The following TSBP1 variants were observed in gnomAD, a reference collection of about 807,000 sequenced individuals.
TSBP1 encodes testis expressed basic protein 1, also known as testis-expressed basic protein 1.
TSBP1 carries 56 observed loss-of-function variants against 68.8 expected under a neutral mutation model. The observed-to-expected ratio is 0.81, with a 90% confidence interval of 0.66 to 1.02. The LOEUF (loss-of-function observed/expected upper bound fraction) is 1.02. Ranked by LOEUF, TSBP1 falls within the 50% of genes least tolerant of loss-of-function variation. TSBP1 has a pLI of 0.00. For synonymous variants in TSBP1, 171 were observed against 208.7 expected (o/e 0.82, Z 1.56); for missense variants, 502 against 641.2 (o/e 0.78, Z 2.34).
In TSBP1 at chr6:32,365,599, C is replaced by T. The variant is rs1485592463; in HGVS notation, c.217+568G>A. ...TGGAGTGAGAAATAAGTGGGCTTAT[C>T]GGACAGCATCCTGAATGGCTGGGGG... On this transcript the variant is annotated intron_variant, in intron 6 of 22. Transcript: ENST00000612031. This position sits in a 1 kb window ranked among gnomAD's most constrained non-coding sequence, Gnocchi z 4.3. 6.6e-6 allele frequency: 3 copies of T among 456,464 alleles called. No individual in the cohort carries two copies. Among genetic ancestry groups the T allele is most frequent in the Non-Finnish European group, 1.3e-5 (3 of 226,808 alleles). The allele number at this position is 456,464 out of a possible 1,614,324, so 28.3% of individuals were successfully genotyped here.
Position 32,357,855 on chromosome 6 carries a change from A to G in TSBP1, c.218-2186T>C, listed in dbSNP as rs1772517931. Reference sequence around the variant, plus strand: ...ACATGCTAAGAGTGAGATGCCTTTCATATATCTTCAGGACACGTGTGCTAT... The same window carrying G: ...ACATGCTAAGAGTGAGATGCCTTTCGTATATCTTCAGGACACGTGTGCTAT... On this transcript the variant is annotated intron_variant, in intron 6 of 22. Coordinates refer to ENST00000612031, the Ensembl canonical transcript of TSBP1. The surrounding 1 kb of genome is among the most constrained non-coding windows in gnomAD (Gnocchi z 4.7). Among the ~76,000 whole-genome samples the G allele has an allele frequency of 6.6e-6, 1 of 152,198 alleles. No homozygotes were observed. Among genetic ancestry groups the G allele is most frequent in the Non-Finnish European group, 1.5e-5 (1 of 68,030 alleles).
At chr6:32,339,703 A>G in intron 9 of TSBP1, 65 bp from the exon 11 acceptor site, 1 of 716,782 alleles carries the variant, frequency 1.4e-6, no homozygotes, top group Non-Finnish European at 2.4e-6. Context: ...ATGGAGATAG[A>G]CAATCCCATT....
chr6:32,335,794 G>A lies in TSBP1; in HGVS notation c.451+118C>T, dbSNP rs1439307032. 2 of 812,704 alleles carry A rather than the reference G, an allele frequency of 2.5e-6. No homozygotes were observed. The highest frequency in any genetic ancestry group is 4.1e-6 in the Non-Finnish European group (2 of 489,162). 50.3% of individuals were successfully genotyped at this position (812,704 alleles called of 1,614,324 possible). On this transcript the variant is annotated intron_variant, in intron 13 of 22. Transcript: ENST00000612031. The surrounding 1 kb of genome is among the most constrained non-coding windows in gnomAD (Gnocchi z 5.5). ...AATGCTAGGTTGAAGAAAAATAAGG[G>A]TTGAAGAAAATGTGAACTCCAAACC...
At chr6:32,341,705 T>G (rs925878444) in intron 9 of TSBP1, among the ~76,000 whole-genome samples, 4 of 152,192 alleles carry the variant, frequency 2.6e-5, no homozygotes, top group Non-Finnish European at 5.9e-5. Context: ...TTCGTTACTT[T>G]AAGGATAGGT....
chr6:32,355,653 A>G (rs373735657), exon 7 of TSBP1: 3 of 1,590,138 alleles, frequency 1.9e-6, no homozygotes, highest in Non-Finnish European at 2.6e-6. Flanking sequence ...ACTTACTGTA[A>G]TCTCTTTTGG....
chr6:32,325,482 GC>G lies in TSBP1; in HGVS notation c.515-1869del. ...TGGAAGAGCTGTGGAACCAAAGAGA[GC>G]TGTCTCAAGAGAAGATTCTCAAATA... On this transcript the variant is annotated intron_variant, in intron 16 of 22. Transcript: ENST00000612031. The surrounding 1 kb of genome is among the most constrained non-coding windows in gnomAD (Gnocchi z 4.4). The G allele has an allele frequency of 1.1e-6, 1 of 898,072 alleles. No homozygotes were observed. The highest frequency in any genetic ancestry group is 1.8e-6 in the Non-Finnish European group (1 of 543,024). The allele number at this position is 898,072 out of a possible 1,614,324, so 55.6% of individuals were successfully genotyped here.
chr6:32,359,490 GTTGT>G (rs1181789180), intron 6 of TSBP1, among the ~76,000 whole-genome samples: 13 of 152,216 alleles, frequency 8.5e-5, no homozygotes, highest in South Asian at 4.1e-4. Flanking sequence ...TGTTGATGGG[GTTGT>G]TTGTTTTTTT....
Position 32,355,648 on chromosome 6 carries a change from C to A in TSBP1, c.238+1G>T. On this transcript the variant is annotated splice_donor_variant, in intron 7 of 22. Coordinates refer to ENST00000612031, the Ensembl canonical transcript of TSBP1. LOFTEE classifies it high-confidence loss of function. ...TTGTTAAGAAGCAAGATAATACTTA[C>A]TGTAATCTCTTTTGGATCTCTCTGA... The A allele has an allele frequency of 6.3e-7, 1 of 1,590,028 alleles. No homozygotes were observed. The highest frequency in any genetic ancestry group is 8.5e-7 in the Non-Finnish European group (1 of 1,170,614).
intron 18 of TSBP1, among the ~76,000 whole-genome samples, chr6:32,317,933 G>A (rs1354893734): frequency 1.3e-5 from 2 of 152,138 alleles, no homozygotes; most frequent in Admixed American, 6.5e-5. Context: ...GCTACCATTC[G>A]ACCCAGCAAT....
chr6:32,350,605 A>G (rs1771610105), intron 8 of TSBP1, among the ~76,000 whole-genome samples: 1 of 152,226 alleles, frequency 6.6e-6, no homozygotes, highest in African/African-American at 2.4e-5. Flanking sequence ...AATCAAGGCC[A>G]TAGGCCTCAT....
rs1474915429 is a variant in TSBP1, at chr6:32,323,110, T to C, written c.559+7A>G. 2 of 1,573,226 alleles carry C rather than the reference T, an allele frequency of 1.3e-6. No individual in the cohort carries two copies. The highest frequency in any genetic ancestry group is 2.3e-5 in the South Asian group (2 of 88,832). On this transcript the variant is annotated splice_region_variant and intron_variant, in intron 18 of 22. Transcript: ENST00000612031. ...AACCAAAGAAGAAAAAGAGATGTTA[T>C]ACTTACTTATGGGTGCCATGGGTGG...
intron 18 of TSBP1, chr6:32,320,131 T>A (rs1249495822): frequency 4.4e-6 from 2 of 455,688 alleles, no homozygotes; most frequent in Non-Finnish European, 8.8e-6. Context: ...CCTTGGGGGC[T>A]ATCTTTCATG....
intron 22 of TSBP1, among the ~76,000 whole-genome samples, chr6:32,298,566 C>T (rs1269833): frequency 0.028 from 4,297 of 151,466 alleles, 170 homozygotes; most frequent in African/African-American, 0.086. Context: ...GCGACAAGAA[C>T]GAAACTTTGT....
chr6:32,336,682 T>C lies in TSBP1; in HGVS notation c.410-47A>G, dbSNP rs953899563. ...AGTGTGGTTTGACATTAATAGAATTTTCATTTTACCAGTATTGTTTCTAAA... is the reference window on the plus strand; with the variant it reads ...AGTGTGGTTTGACATTAATAGAATTCTCATTTTACCAGTATTGTTTCTAAA... On this transcript the variant is annotated intron_variant, in intron 11 of 22. Coordinates refer to ENST00000612031, the Ensembl canonical transcript of TSBP1. The surrounding 1 kb of genome is among the most constrained non-coding windows in gnomAD (Gnocchi z 5.2). 6.4e-7 allele frequency: 1 copy of C among 1,570,812 alleles called. No individual in the cohort carries two copies. The highest frequency in any genetic ancestry group is 8.8e-7 in the Non-Finnish European group (1 of 1,142,194).
rs988679878 is a variant in TSBP1 at position 32,302,704 on chromosome 6, T to G, written c.581-75A>C. 1.8e-5 allele frequency: 19 copies of G among 1,066,034 alleles called. No individual in the cohort carries two copies. The East Asian group carries it at 4.3e-4, about 24-fold the overall frequency. The allele number at this position is 1,066,034 out of a possible 1,614,324, so 66.0% of individuals were successfully genotyped here. On this transcript the variant is annotated intron_variant, in intron 19 of 22. Transcript: ENST00000612031. The surrounding 1 kb of genome is among the most constrained non-coding windows in gnomAD (Gnocchi z 5.1). Reference sequence around the variant, plus strand: ...AAGTACAGTTCTTTCCTACTCCCAATTCCCTAGTTGTTTTTTCTAGGGTAC... The same window carrying G: ...AAGTACAGTTCTTTCCTACTCCCAAGTCCCTAGTTGTTTTTTCTAGGGTAC...
intron 7 of TSBP1, 49 bp from the exon 8 acceptor site, chr6:32,355,193 C>T (rs773837128): frequency 1.3e-6 from 2 of 1,593,830 alleles, no homozygotes; most frequent in Non-Finnish European, 8.6e-7. Flanking sequence ...GAGTTTGGAT[C>T]CCTAATCTTT....
intron 6 of TSBP1, among the ~76,000 whole-genome samples, chr6:32,360,561 C>T (rs1772889037): frequency 6.6e-6 from 1 of 152,114 alleles, no homozygotes; most frequent in South Asian, 2.1e-4. Context: ...TGAATATATG[C>T]CCAGAAGTAG....
chr6:32,330,590 A>G (rs1768866190), exon 16 of TSBP1: 1 of 1,607,438 alleles, frequency 6.2e-7, no homozygotes, highest in African/African-American at 1.3e-5. Flanking sequence ...GGTACTTACC[A>G]TTGGATCCAG....
intron 16 of TSBP1, chr6:32,326,076 C>T: frequency 7.0e-7 from 1 of 1,431,604 alleles, no homozygotes. Flanking sequence ...GAAGCTGTGG[C>T]CTCTATGGTG....
Sources: allele counts gnomAD v4.1 joint callset (sites outside exome capture counted in the v4.1 genomes callset), GRCh38; gene constraint gnomAD v4.1.1; non-coding constraint Gnocchi (gnomAD v3.1); transcripts MANE v1.5; gene names NCBI Gene and HGNC (gene_info 2026-07-23, HGNC 2026-07-21).